Variants in FKBP3 observed in about 807,000 individuals in gnomAD.
FKBP3 encodes the protein FKBP prolyl isomerase 3.
In FKBP3, 21 loss-of-function variants were observed where a neutral mutation model predicts 30.6. The observed-to-expected ratio is 0.69, with a 90% CI of 0.49 to 0.99. The LOEUF is 0.99. FKBP3 is among the 50% of genes least tolerant of loss of function. The probability of loss-of-function intolerance (pLI) is 0.00; values close to 1 mark genes in which losing one functional copy is unlikely to be tolerated. For missense variants in FKBP3, 283 were observed against 261.6 expected (o/e 1.08, Z -0.56); for synonymous variants, 82 against 91.3 (o/e 0.90, Z 0.58).
rs1007648274 is a variant in FKBP3 at position 45,120,908 on chromosome 14, T to C, written c.501A>G (p.Gly167=). The C allele has an allele frequency of 1.9e-6, 3 of 1,613,270 alleles. No homozygotes were observed. The highest frequency in any genetic ancestry group is 2.5e-6 in the Non-Finnish European group (3 of 1,179,724). The change falls in exon 5 of 7, where the codon GGA becomes GGG. Residue 167 remains glycine (G), a synonymous_variant. Coordinates refer to ENST00000396062, the MANE Select transcript of FKBP3 (RefSeq NM_002013.4). ...KNAKPLSFKV[G]VGKVIRGWDE... is the part of the protein sequence containing the mutation. ...TTACTCCTCTGATAACTTTGCCTACTCCGACCTTAAAACTTAAAGGCTTGG... is the reference window on the plus strand; with the variant it reads ...TTACTCCTCTGATAACTTTGCCTACCCCGACCTTAAAACTTAAAGGCTTGG...
chr14:45,127,656 ATTG>A (rs1885130463), intron 3 of FKBP3, among the ~76,000 whole-genome samples: 1 of 152,172 alleles, frequency 6.6e-6, no homozygotes, highest in Non-Finnish European at 1.5e-5. Flanking sequence ...GTAGCCACAT[ATTG>A]TTAGTAACTA....
At chr14:45,125,135 C>T (rs746707384) in intron 3 of FKBP3, among the ~76,000 whole-genome samples, 1 of 152,162 alleles carries the variant, frequency 6.6e-6, no homozygotes, top group Non-Finnish European at 1.5e-5. Context: ...AGGCTGGTCT[C>T]GAATTCCTGA....
At chr14:45,116,770 T>C (rs1175971489) in intron 6 of FKBP3, among the ~76,000 whole-genome samples, 1 of 151,866 alleles carries the variant, frequency 6.6e-6, no homozygotes, top group African/African-American at 2.4e-5. Context: ...GCAGGAGAAT[T>C]GCTTGAGCCC....
At chr14:45,123,922 C>T (rs1885042533) in intron 3 of FKBP3, among the ~76,000 whole-genome samples, 1 of 151,896 alleles carries the variant, frequency 6.6e-6, no homozygotes, top group South Asian at 2.1e-4. Context: ...CCAGCCCCCT[C>T]ATTCTTTTAA....
chr14:45,131,016 T>C (rs536915059), intron 1 of FKBP3: 72 of 434,510 alleles, frequency 1.7e-4, no homozygotes, highest in African/African-American at 9.7e-4. Flanking sequence ...ACTGCAACTG[T>C]AGTGTTATGT....
chr14:45,121,066 A>G (rs1458293935), intron 4 of FKBP3, 112 bp from the exon 5 acceptor site: 1 of 850,390 alleles, frequency 1.2e-6, no homozygotes, highest in Non-Finnish European at 1.8e-6. Context: ...TGATTTCAGA[A>G]TTACAATACT....
chr14:45,121,956 TA>T (rs1006304274), intron 3 of FKBP3, among the ~76,000 whole-genome samples: 13 of 152,338 alleles, frequency 8.5e-5, no homozygotes, highest in Middle Eastern at 6.8e-3. Flanking sequence ...TATGAAATCA[TA>T]AGGCATTAAA....
At chr14:45,129,924 TC>T (rs1343901002) in intron 2 of FKBP3, 23 bp from the exon 3 acceptor site, 1 of 1,521,422 alleles carries the variant, frequency 6.6e-7, no homozygotes, top group Non-Finnish European at 9.1e-7. Flanking sequence ...TGTTGTAACA[TC>T]ATACCCAGGA....
At chr14:45,125,449 T>C (rs1466139120) in intron 3 of FKBP3, among the ~76,000 whole-genome samples, 2 of 152,212 alleles carry the variant, frequency 1.3e-5, no homozygotes, top group African/African-American at 4.8e-5. Flanking sequence ...GATGAAGTTA[T>C]CAAATTTTTC....
intron 1 of FKBP3, 140 bp downstream of exon 1, chr14:45,134,209 G>A (rs1885310795): frequency 2.9e-6 from 2 of 692,964 alleles, no homozygotes; most frequent in East Asian, 2.7e-5. Context: ...AGCACAAGCT[G>A]GGCCTCTCCG....
intron 3 of FKBP3, among the ~76,000 whole-genome samples, chr14:45,123,601 CCTTT>C (rs1885033346): frequency 7.5e-6 from 1 of 133,010 alleles, no homozygotes. Flanking sequence ...CCTCTCTACT[CCTTT>C]TTTTTTTTTT....
chr14:45,129,992 C>A (rs1885180337), intron 2 of FKBP3, 91 bp from the exon 3 acceptor site: 2 of 651,126 alleles, frequency 3.1e-6, no homozygotes, highest in Non-Finnish European at 5.2e-6. Context: ...AAATGAACAT[C>A]TGCATAATAA....
In FKBP3 at chr14:45,118,020, A is replaced by G; in HGVS notation, c.620+8T>C. ...TCAACTTTAATTATGAAGGGGAAAA[A>G]AGGATACTTGGCATCAGGCTGTCCT... On this transcript the variant is annotated splice_region_variant and intron_variant, in intron 6 of 6. Coordinates refer to ENST00000396062, the MANE Select transcript of FKBP3 (RefSeq NM_002013.4). The G allele has an allele frequency of 6.3e-7, 1 of 1,577,774 alleles. No individual in the cohort carries two copies. The highest frequency in any genetic ancestry group is 8.6e-7 in the Non-Finnish European group (1 of 1,162,788).
Position 45,129,784 on chromosome 14 carries a change from A to T in FKBP3, c.318+10T>A. Reference sequence around the variant, plus strand: ...CACATGATAAAATAAAAAAATAATTATATACAGACCTCATCCAGGGTCTCT... The same window carrying T: ...CACATGATAAAATAAAAAAATAATTTTATACAGACCTCATCCAGGGTCTCT... On this transcript the variant is annotated intron_variant, in intron 3 of 6. Transcript: ENST00000396062. 1 of 1,492,614 alleles carries T rather than the reference A, an allele frequency of 6.7e-7. No homozygotes were observed. Among genetic ancestry groups the T allele is most frequent in the Non-Finnish European group, 9.1e-7 (1 of 1,095,416 alleles). 92.5% of individuals were successfully genotyped at this position (1,492,614 alleles called of 1,614,324 possible).
At position 45,129,856 on chromosome 14, in the gene FKBP3, T is replaced by C; in HGVS notation, c.256A>G (p.Lys86Glu). The C allele has an allele frequency of 2.5e-6, 4 of 1,613,328 alleles. No individual in the cohort carries two copies. Among genetic ancestry groups the C allele is most frequent in the Middle Eastern group, 1.7e-4 (1 of 6,026 alleles). Residue 86 changes from lysine (K) to glutamate (E), a missense_variant, in exon 3 of 7, where the codon AAA becomes GAA. By Grantham distance (56) the Lys-to-Glu change is moderately conservative (BLOSUM62 1). Transcript: ENST00000396062. The stretch of plus-strand genomic sequence containing the variant: ...TTATCTTCATTAAGCTTCACATTTT[T>C]TACTTGCTCAGACACTTTACTTATA... ...ESISKVSEQVKNVKLNEDKPK... is the reference protein window; with the variant it reads ...ESISKVSEQVENVKLNEDKPK...
chr14:45,126,463 A>C (rs1299369825), intron 3 of FKBP3, among the ~76,000 whole-genome samples: 1 of 151,900 alleles, frequency 6.6e-6, no homozygotes, highest in East Asian at 2.0e-4. Flanking sequence ...ATTCCAGCCT[A>C]GGCAACAGAG....
At chr14:45,133,660 C>T (rs1424209146) in intron 1 of FKBP3, among the ~76,000 whole-genome samples, 1 of 152,180 alleles carries the variant, frequency 6.6e-6, no homozygotes, top group East Asian at 1.9e-4. Context: ...AATAACTTGA[C>T]TATAGACGGA....
chr14:45,119,056 T>C (rs1437482055), intron 5 of FKBP3, among the ~76,000 whole-genome samples: 1 of 152,114 alleles, frequency 6.6e-6, no homozygotes, highest in Non-Finnish European at 1.5e-5. Flanking sequence ...ACTAAGATCT[T>C]TTGCAAAAGG....
chr14:45,124,181 T>C (rs1885047462), intron 3 of FKBP3, among the ~76,000 whole-genome samples: 1 of 152,054 alleles, frequency 6.6e-6, no homozygotes, highest in Admixed American at 6.5e-5. Flanking sequence ...CTATCAGCCT[T>C]TGAACTCTTG....
Sources: gnomAD v4.1 joint callset for allele counts (sites outside exome capture counted in the v4.1 genomes callset) on GRCh38, gnomAD v4.1.1 for gene constraint, MANE v1.5 for transcripts, NCBI Gene and HGNC (gene_info 2026-07-23, HGNC 2026-07-21) for gene names.